KAZN: variants seen among roughly 807,000 people sequenced by gnomAD.
KAZN encodes kazrin.
In KAZN, 40 loss-of-function variants were observed where a neutral mutation model predicts 87.4. That is an observed-to-expected ratio of 0.46 (90% CI 0.36 to 0.60). The LOEUF (loss-of-function observed/expected upper bound fraction) is 0.60, where lower values mean the gene tolerates loss of function less well. Ranked by LOEUF, KAZN falls within the 20% of genes least tolerant of loss-of-function variation. KAZN has a pLI of 0.00. For synonymous variants in KAZN, 466 were observed against 458.3 expected (o/e 1.02, Z -0.22); for missense variants, 898 against 1,073.9 (o/e 0.84, Z 2.29).
chr1:14,680,188 C>T (rs1640484645), intron 1 of KAZN, among the ~76,000 whole-genome samples: 1 of 152,136 alleles, frequency 6.6e-6, no homozygotes, highest in Non-Finnish European at 1.5e-5. Context: ...ATGCACAGAT[C>T]TTAAATGTAC....
chr1:14,930,688 A>G (rs1659713219), intron 1 of KAZN, among the ~76,000 whole-genome samples: 1 of 152,202 alleles, frequency 6.6e-6, no homozygotes, highest in Non-Finnish European at 1.5e-5. Flanking sequence ...CCAGGCTGCC[A>G]TGCTGCCCTC....
chr1:14,602,267 G>A (rs896099905), intron 1 of KAZN, among the ~76,000 whole-genome samples: 34 of 152,312 alleles, frequency 2.2e-4, no homozygotes, highest in African/African-American at 3.1e-4. Flanking sequence ...TCGGCACTTC[G>A]GAGGATATTC....
chr1:14,080,661 G>A lies in KAZN; in HGVS notation c.92-99774G>A, dbSNP rs143495242. 3.5e-3 allele frequency among the ~76,000 whole-genome samples: 531 copies of A among 152,310 alleles called. 6 individuals are homozygous for A. Among genetic ancestry groups the A allele is most frequent in the African/African-American group, 0.012 (490 of 41,548 alleles). ...ATGTGCAGCATGATGCATAACATGC[G>A]GTTGATGCTGGCGTGAGCGTTTTCT... On this transcript the variant is annotated intron_variant, in intron 1 of 16. Coordinates refer to the KAZN transcript ENST00000636203.
At chr1:14,831,819 G>A (rs917134282) in intron 1 of KAZN, among the ~76,000 whole-genome samples, 8 of 152,044 alleles carry the variant, frequency 5.3e-5, no homozygotes, top group African/African-American at 1.9e-4. Context: ...TTGCCTGGAC[G>A]CCTCCTCTGA....
At chr1:14,671,109 AG>A (rs1639889709) in intron 1 of KAZN, among the ~76,000 whole-genome samples, 1 of 152,202 alleles carries the variant, frequency 6.6e-6, no homozygotes, top group African/African-American at 2.4e-5. Context: ...ATGTTGAGCC[AG>A]GGTGGTCAGT....
At chr1:14,824,049 G>A (rs1646811956) in intron 1 of KAZN, among the ~76,000 whole-genome samples, 1 of 151,532 alleles carries the variant, frequency 6.6e-6, no homozygotes, top group African/African-American at 2.4e-5. Context: ...AGGAGGCGGA[G>A]GTTGCAGTGA....
chr1:14,457,684 G>C (rs752336161), intron 2 of KAZN, among the ~76,000 whole-genome samples: 1 of 152,160 alleles, frequency 6.6e-6, no homozygotes, highest in East Asian at 1.9e-4. Context: ...TATAGATTAA[G>C]GAGGATTGTT....
chr1:14,860,104 C>G (rs1241605743), intron 1 of KAZN, among the ~76,000 whole-genome samples: 2 of 152,042 alleles, frequency 1.3e-5, no homozygotes, highest in African/African-American at 4.8e-5. Flanking sequence ...CAGGAATAGG[C>G]CTTTTTCCTT....
intron 1 of KAZN, among the ~76,000 whole-genome samples, chr1:13,985,106 C>T (rs535738169): frequency 5.9e-5 from 9 of 152,008 alleles, no homozygotes; most frequent in Admixed American, 1.3e-4. Flanking sequence ...ATATCTCTGT[C>T]GATCTCAATG....
In KAZN at chr1:15,117,854, G is replaced by A. The variant is rs894623526; in HGVS notation, c.*3219G>A. 1 of 152,250 alleles carries A rather than the reference G, an allele frequency of 6.6e-6. No homozygotes were observed. The highest frequency in any genetic ancestry group is 2.4e-5 in the African/African-American group (1 of 41,462). The allele number at this position is 152,250 out of a possible 1,614,324, so 9.4% of individuals were successfully genotyped here. ...AAGCCTGTGGGCAATGGCAACCTCT[G>A]AGTCTGGCATTCTTGCCAATGGCTG... is the stretch of plus-strand genomic sequence containing the variant. On this transcript the variant is annotated 3_prime_UTR_variant, in exon 15 of 15. Coordinates refer to ENST00000376030, the MANE Select transcript of KAZN (RefSeq NM_201628.3).
At chr1:14,003,210 G>A (rs1182169076) in intron 1 of KAZN, among the ~76,000 whole-genome samples, 1 of 151,778 alleles carries the variant, frequency 6.6e-6, no homozygotes, top group East Asian at 1.9e-4. Context: ...TTAGGGGGTC[G>A]GGGGCAAGAG....
Position 14,684,564 on chromosome 1 carries a change from A to C in KAZN, c.226+85341A>C, listed in dbSNP as rs552699611. ...TGTGGACTGAGTCTTATGGGGCTAAAGGCAAAGTGTTGGCAGAGCTGGTTC... is the reference window on the plus strand; with the variant it reads ...TGTGGACTGAGTCTTATGGGGCTAACGGCAAAGTGTTGGCAGAGCTGGTTC... On this transcript the variant is annotated intron_variant, in intron 1 of 14. Coordinates refer to ENST00000376030, the MANE Select transcript of KAZN (RefSeq NM_201628.3). Among the ~76,000 whole-genome samples, 3 of 152,322 alleles carry C rather than the reference A, an allele frequency of 2.0e-5. No individual in the cohort carries two copies. In the East Asian group the frequency reaches 5.8e-4, roughly 29 times the overall value.
At chr1:14,911,965 A>T (rs1657293259) in intron 1 of KAZN, among the ~76,000 whole-genome samples, 1 of 152,076 alleles carries the variant, frequency 6.6e-6, no homozygotes, top group African/African-American at 2.4e-5. Context: ...CAGCCTGTCC[A>T]ATATGATGGC....
chr1:14,089,759 C>G (rs897335713), intron 1 of KAZN, among the ~76,000 whole-genome samples: 1 of 152,136 alleles, frequency 6.6e-6, no homozygotes, highest in Admixed American at 6.5e-5. Flanking sequence ...TTGACCTAGT[C>G]TTATTTTCTT....
chr1:14,589,799 T>A (rs970451922), intron 2 of KAZN, among the ~76,000 whole-genome samples: 2 of 152,216 alleles, frequency 1.3e-5, no homozygotes, highest in Admixed American at 1.3e-4. Context: ...CGCTGTTCTT[T>A]GTGACATATT....
chr1:14,924,722 G>A, intron 1 of KAZN: 1 of 306,886 alleles, frequency 3.3e-6, no homozygotes, highest in Non-Finnish European at 4.8e-6. Context: ...GCCCCGGGCG[G>A]GTGCAGCGGG....
At chr1:14,711,486 G>A (rs549181689) in intron 1 of KAZN, among the ~76,000 whole-genome samples, 7 of 152,276 alleles carry the variant, frequency 4.6e-5, no homozygotes, top group Admixed American at 1.3e-4. Context: ...GGTTCCCCAC[G>A]CCCTTCCGCT....
At chr1:15,032,659 TAGTC>T (rs1205703795) in intron 2 of KAZN, among the ~76,000 whole-genome samples, 2 of 151,998 alleles carry the variant, frequency 1.3e-5, no homozygotes, top group African/African-American at 4.8e-5. Context: ...GGATCAAAAA[TAGTC>T]AGGGACCAGG....
intron 1 of KAZN, among the ~76,000 whole-genome samples, chr1:14,704,032 G>A (rs1021662198): frequency 1.2e-4 from 19 of 152,188 alleles, no homozygotes; most frequent in Middle Eastern, 3.2e-3. Context: ...CCCACCCAGC[G>A]TCAGCTCTTG....
Sources: allele counts gnomAD v4.1 joint callset (sites outside exome capture counted in the v4.1 genomes callset), GRCh38; gene constraint gnomAD v4.1.1; transcripts MANE v1.5; gene names NCBI Gene and HGNC (gene_info 2026-07-23, HGNC 2026-07-21).